ONECUT2: variants seen among roughly 807,000 people sequenced by gnomAD.
ONECUT2 encodes one cut domain family member 2.
ONECUT2 carries 10 observed loss-of-function variants against 27.9 expected under a neutral mutation model. That is an observed-to-expected ratio of 0.36 (90% CI 0.22 to 0.61). The LOEUF is 0.61. Among genes scored for constraint, ONECUT2 ranks in the 20% least tolerant of loss-of-function variants. The pLI is 0.73. For missense variants in ONECUT2, 686 were observed against 721.0 expected (o/e 0.95, Z 0.56); for synonymous variants, 334 against 315.1 (o/e 1.06, Z -0.64).
At chr18:57,446,994 A>C (rs866203528) in intron 1 of ONECUT2, among the ~76,000 whole-genome samples, 1 of 152,212 alleles carries the variant, frequency 6.6e-6, no homozygotes, top group Non-Finnish European at 1.5e-5. Context: ...AGAGGATGGG[A>C]GAGAATTAGC....
rs552787217 is a variant in ONECUT2, at chr18:57,482,240, G to A, written c.*5517G>A. The A allele has an allele frequency of 1.2e-4, 18 of 152,240 alleles. No individual in the cohort carries two copies. The highest frequency in any genetic ancestry group is 3.6e-4 in the African/African-American group (15 of 41,540). 9.4% of individuals were successfully genotyped at this position (152,240 alleles called of 1,614,324 possible). A position where few individuals can be genotyped will look rare whatever the true frequency, so the allele number is the denominator to read the frequency against. ...CAATGATTTGTTTGTTTCCAAGGTCGGGGAGGGAAAGAGGGGAGGGTTTAT... is the reference window on the plus strand; with the variant it reads ...CAATGATTTGTTTGTTTCCAAGGTCAGGGAGGGAAAGAGGGGAGGGTTTAT... On this transcript the variant is annotated 3_prime_UTR_variant, in exon 2 of 2. Coordinates refer to ENST00000491143, the MANE Select transcript of ONECUT2 (RefSeq NM_004852.3).
intron 1 of ONECUT2, among the ~76,000 whole-genome samples, chr18:57,462,745 T>C (rs1568122532): frequency 1.4e-5 from 2 of 147,180 alleles, no homozygotes; most frequent in East Asian, 3.9e-4. Context: ...TTTTTTTTTT[T>C]TTTGAGACAG....
At chr18:57,452,136 A>G (rs932568935) in intron 1 of ONECUT2, among the ~76,000 whole-genome samples, 1 of 152,160 alleles carries the variant, frequency 6.6e-6, no homozygotes, top group Non-Finnish European at 1.5e-5. Context: ...TTTCACATTC[A>G]TAAGTAACAA....
In ONECUT2 at chr18:57,436,003, C is replaced by G. The variant is rs781572354; in HGVS notation, c.287C>G (p.Ala96Gly). Residue 96 changes from alanine to glycine, a missense_variant, in exon 1 of 2, where the codon GCG becomes GGG. Coordinates refer to ENST00000491143, the MANE Select transcript of ONECUT2 (RefSeq NM_004852.3). This position sits in a 1 kb window ranked among gnomAD's most constrained non-coding sequence, Gnocchi z 5.9. ...TAHQELGTAA[A>G]AAAAASRSAM... ...CACCAGGAGCTGGGCACGGCGGCAG[C>G]GGCGGCAGCGGCGGCGTCGCGCTCG... is the stretch of plus-strand genomic sequence containing the variant. 6.7e-7 allele frequency: 1 copy of G among 1,499,512 alleles called. No homozygotes were observed. The highest frequency in any genetic ancestry group is 8.9e-7 in the Non-Finnish European group (1 of 1,128,926). The allele number at this position is 1,499,512 out of a possible 1,614,324, so 92.9% of individuals were successfully genotyped here.
At position 57,488,236 on chromosome 18, in the gene ONECUT2, C is replaced by T. The variant is rs2050447623; in HGVS notation, c.*11513C>T. ...GATGGGAACAGATACAAGAATTTTT[C>T]AAATTGGCTTTTGTAAGACAATTGA... is the stretch of plus-strand genomic sequence containing the variant. On this transcript the variant is annotated 3_prime_UTR_variant, in exon 2 of 2. Transcript: ENST00000491143. 1 of 152,594 alleles carries T rather than the reference C, an allele frequency of 6.6e-6. No homozygotes were observed. The highest frequency in any genetic ancestry group is 2.1e-4 in the South Asian group (1 of 4,826). The allele number at this position is 152,594 out of a possible 1,614,324, so 9.5% of individuals were successfully genotyped here.
intron 1 of ONECUT2, among the ~76,000 whole-genome samples, chr18:57,447,376 T>G (rs523031): frequency 0.95 from 145,384 of 152,278 alleles, 69,756 homozygotes; most frequent in East Asian, 1. Flanking sequence ...CTGACCAGTA[T>G]CTCCAGCTCT....
In ONECUT2 at chr18:57,477,008, C is replaced by T. The variant is rs1382724973; in HGVS notation, c.*285C>T. On this transcript the variant is annotated 3_prime_UTR_variant, in exon 2 of 2. Coordinates refer to ENST00000491143, the MANE Select transcript of ONECUT2 (RefSeq NM_004852.3). ...AAGCATCCCAGAAACCCAAATGGGG[C>T]CTTCCTGGAGCGAGTTAATTCCAGT... The T allele has an allele frequency of 1.4e-5, 6 of 422,172 alleles. No individual in the cohort carries two copies. The Admixed American group carries it at 2.4e-4, about 17-fold the overall frequency. 26.2% of individuals were successfully genotyped at this position (422,172 alleles called of 1,614,324 possible).
rs749571491 is a variant in ONECUT2, at chr18:57,435,678, C to G, written c.-39C>G. ...CGCGCCTTGCCCGCCCGCCGGCCGC[C>G]CCCGCCGCCCCCGCCGCCCCCGGGC... On this transcript the variant is annotated 5_prime_UTR_variant, in exon 1 of 2. Coordinates refer to ENST00000491143, the MANE Select transcript of ONECUT2 (RefSeq NM_004852.3). 9.9e-7 allele frequency: 1 copy of G among 1,005,402 alleles called. No homozygotes were observed. The highest frequency in any genetic ancestry group is 1.0e-4 in the East Asian group (1 of 9,726). 62.3% of individuals were successfully genotyped at this position (1,005,402 alleles called of 1,614,324 possible).
intron 1 of ONECUT2, among the ~76,000 whole-genome samples, chr18:57,452,258 T>G (rs1181231502): frequency 1.3e-5 from 2 of 152,192 alleles, no homozygotes; most frequent in African/African-American, 4.8e-5. Flanking sequence ...TTTGTTCTCC[T>G]GCATCTTCCC....
intron 1 of ONECUT2, among the ~76,000 whole-genome samples, chr18:57,440,901 G>A (rs1009521791): frequency 6.6e-6 from 1 of 152,246 alleles, no homozygotes; most frequent in African/African-American, 2.4e-5. Flanking sequence ...AACGCAACCC[G>A]TGCCAGTACG....
intron 1 of ONECUT2, among the ~76,000 whole-genome samples, chr18:57,463,410 G>A (rs2050303596): frequency 6.6e-6 from 1 of 152,048 alleles, no homozygotes; most frequent in African/African-American, 2.4e-5. Flanking sequence ...TAGCTTAACT[G>A]TTCTTCGATT....
chr18:57,470,855 C>T (rs554331985), intron 1 of ONECUT2, among the ~76,000 whole-genome samples: 1 of 152,270 alleles, frequency 6.6e-6, no homozygotes, highest in East Asian at 1.9e-4. Flanking sequence ...CCCCATCTCT[C>T]TCCTTGCTTC....
rs1242837250 is a variant in ONECUT2 at position 57,436,406 on chromosome 18, G to A, written c.690G>A (p.Thr230=). ...AGAGCCTGTCCCCGCTGGCCGCCAC[G>A]CCGCTGGGCAACGGGCTAGGCGGCC... ...MSQSLSPLAA[T]PLGNGLGGLH... Residue 230 remains threonine, a synonymous_variant, in exon 1 of 2, where the codon ACG becomes ACA. Coordinates refer to ENST00000491143, the MANE Select transcript of ONECUT2 (RefSeq NM_004852.3). The surrounding 1 kb of genome is among the most constrained non-coding windows in gnomAD (Gnocchi z 5.9). 6.2e-7 allele frequency: 1 copy of A among 1,610,822 alleles called. No homozygotes were observed. The highest frequency in any genetic ancestry group is 8.5e-7 in the Non-Finnish European group (1 of 1,179,848).
At chr18:57,440,316 G>A (rs2050167380) in intron 1 of ONECUT2, among the ~76,000 whole-genome samples, 1 of 152,220 alleles carries the variant, frequency 6.6e-6, no homozygotes, top group South Asian at 2.1e-4. Context: ...AAACAAGAAG[G>A]GAGTGAGAGA....
intron 1 of ONECUT2, among the ~76,000 whole-genome samples, chr18:57,461,126 C>T (rs1192136200): frequency 2.0e-5 from 3 of 151,756 alleles, no homozygotes; most frequent in Non-Finnish European, 4.4e-5. Flanking sequence ...GTTCTTTATA[C>T]TCAAGTATCC....
intron 1 of ONECUT2, among the ~76,000 whole-genome samples, chr18:57,453,872 T>A (rs921968546): frequency 1.1e-4 from 17 of 152,266 alleles, no homozygotes; most frequent in Middle Eastern, 3.4e-3. Context: ...GAACAAACCC[T>A]TATTTTTCAA....
chr18:57,464,210 T>C (rs1164019897), intron 1 of ONECUT2, among the ~76,000 whole-genome samples: 1 of 152,190 alleles, frequency 6.6e-6, no homozygotes, highest in African/African-American at 2.4e-5. Flanking sequence ...TTAAATGAGT[T>C]TATACACGTA....
Position 57,436,904 on chromosome 18 carries a change from G to A in ONECUT2, c.1188G>A (p.Gln396=). 2 of 1,612,054 alleles carry A rather than the reference G, an allele frequency of 1.2e-6. No individual in the cohort carries two copies. Among genetic ancestry groups the A allele is most frequent in the African/African-American group, 1.3e-5 (1 of 75,002 alleles). The change falls in exon 1 of 2, where the codon CAG becomes CAA. Residue 396 remains glutamine (Q), a synonymous_variant. Transcript: ENST00000491143. This position sits in a 1 kb window ranked among gnomAD's most constrained non-coding sequence, Gnocchi z 5.9. ...TCCGCAGGATGTGGAAGTGGCTTCAGGAGCCCGAGTTCCAGCGCATGTCCG... is the reference window on the plus strand; with the variant it reads ...TCCGCAGGATGTGGAAGTGGCTTCAAGAGCCCGAGTTCCAGCGCATGTCCG... ...ETFRRMWKWL[Q]EPEFQRMSAL... is the part of the protein sequence containing the mutation.
rs1048458110 is a variant in ONECUT2, at chr18:57,481,178, A to T, written c.*4455A>T. The T allele has an allele frequency of 1.3e-5, 2 of 152,200 alleles. No individual in the cohort carries two copies. Among genetic ancestry groups the T allele is most frequent in the African/African-American group, 4.8e-5 (2 of 41,446 alleles). 9.4% of individuals were successfully genotyped at this position (152,200 alleles called of 1,614,324 possible). A position where few individuals can be genotyped will look rare whatever the true frequency, so the allele number is the denominator to read the frequency against. ...ATACATTTCTTTTTTTAAAGGAAAC[A>T]GCAACAACAATAAAAACTCAGCACC... On this transcript the variant is annotated 3_prime_UTR_variant, in exon 2 of 2. Coordinates refer to ENST00000491143, the MANE Select transcript of ONECUT2 (RefSeq NM_004852.3).
Sources: allele counts gnomAD v4.1 joint callset (sites outside exome capture counted in the v4.1 genomes callset), GRCh38; gene constraint gnomAD v4.1.1; non-coding constraint Gnocchi (gnomAD v3.1); transcripts MANE v1.5; gene names NCBI Gene and HGNC (gene_info 2026-07-23, HGNC 2026-07-21).